Variants in HSP90AA1 observed in about 807,000 individuals in gnomAD.
HSP90AA1 encodes heat shock protein HSP 90-alpha.
HSP90AA1 carries 18 observed loss-of-function variants against 73.3 expected under a neutral mutation model. The observed-to-expected ratio is 0.25, with a 90% confidence interval of 0.17 to 0.36. The LOEUF (loss-of-function observed/expected upper bound fraction) is 0.36. Among genes scored for constraint, HSP90AA1 ranks in the 10% least tolerant of loss-of-function variants. The probability of loss-of-function intolerance (pLI) is 1.00; values close to 1 mark genes in which losing one functional copy is unlikely to be tolerated. For missense variants in HSP90AA1, 704 were observed against 874.2 expected (o/e 0.81, Z 2.45); for synonymous variants, 477 against 296.9 (o/e 1.61, Z -6.24).
intron 8 of HSP90AA1, 110 bp from the exon 9 acceptor site, chr14:102,083,412 T>G (rs924399452): frequency 1.4e-6 from 2 of 1,438,532 alleles, no homozygotes; most frequent in South Asian, 2.3e-5. Context: ...AGACAGAAAA[T>G]GACCTAGTTC....
chr14:102,113,705 T>A (rs932850814), intron 1 of HSP90AA1, among the ~76,000 whole-genome samples: 2 of 151,470 alleles, frequency 1.3e-5, no homozygotes, highest in Non-Finnish European at 3.0e-5. Flanking sequence ...TTTTTTTATT[T>A]TTATTTATTT....
At chr14:102,108,230 T>C (rs961654382) in intron 1 of HSP90AA1, among the ~76,000 whole-genome samples, 1 of 121,320 alleles carries the variant, frequency 8.2e-6, no homozygotes, top group Non-Finnish European at 1.6e-5. Flanking sequence ...GACATTGCAC[T>C]ACAGCGTAAG....
In HSP90AA1 at chr14:102,085,447, GA is replaced by G. The variant is rs774175228; in HGVS notation, c.530-17del. The G allele has an allele frequency of 6.6e-7, 1 of 1,505,922 alleles. No individual in the cohort carries two copies. Among genetic ancestry groups the G allele is most frequent in the Admixed American group, 2.1e-5 (1 of 48,090 alleles). The allele number at this position is 1,505,922 out of a possible 1,614,324, so 93.3% of individuals were successfully genotyped here. On this transcript the variant is annotated splice_polypyrimidine_tract_variant and intron_variant, in intron 3 of 10. Transcript: ENST00000216281. ...ATAGGTTCACCTGCAAGAGAAGAAA[GA>G]AAAATTGACTTAATACATTCAATTT...
At chr14:102,107,951 A>C (rs2049588848) in intron 1 of HSP90AA1, among the ~76,000 whole-genome samples, 1 of 28,568 alleles carries the variant, frequency 3.5e-5, no homozygotes, top group South Asian at 2.2e-3. Context: ...TTCTCTCTTA[A>C]ATTTTTTTTT....
intron 1 of HSP90AA1, among the ~76,000 whole-genome samples, chr14:102,129,652 G>A (rs190090376): frequency 2.0e-5 from 3 of 151,580 alleles, no homozygotes; most frequent in African/African-American, 4.8e-5. Flanking sequence ...ACAGGTGCAC[G>A]CCACCATTCC....
Position 102,083,309 on chromosome 14 carries a change from T to C in HSP90AA1, c.1487-7A>G. ...ACCTGGTCCTTGGTCTCACCTGAGGTATTACAAAGTTACTTTTAGACCTTT... is the reference window on the plus strand; with the variant it reads ...ACCTGGTCCTTGGTCTCACCTGAGGCATTACAAAGTTACTTTTAGACCTTT... On this transcript the variant is annotated splice_polypyrimidine_tract_variant and splice_region_variant and intron_variant, in intron 8 of 10. Transcript: ENST00000216281. 6.2e-7 allele frequency: 1 copy of C among 1,614,020 alleles called. No individual in the cohort carries two copies. Among genetic ancestry groups the C allele is most frequent in the Non-Finnish European group, 8.5e-7 (1 of 1,179,904 alleles).
Position 102,085,286 on chromosome 14 carries a change from A to G in HSP90AA1, c.663+12T>C, listed in dbSNP as rs753420107. 18 of 1,609,826 alleles carry G rather than the reference A, an allele frequency of 1.1e-5. No homozygotes were observed. The highest frequency in any genetic ancestry group is 6.8e-6 in the Non-Finnish European group (8 of 1,177,188). ...AGACAGAAATTCACTCTGCAATTACATAAAAACTTACAAAAAGAGTAATGG... is the reference window on the plus strand; with the variant it reads ...AGACAGAAATTCACTCTGCAATTACGTAAAAACTTACAAAAAGAGTAATGG... On this transcript the variant is annotated intron_variant, in intron 4 of 10. Coordinates refer to ENST00000216281, the MANE Select transcript of HSP90AA1 (RefSeq NM_005348.4).
At chr14:102,121,216 A>G (rs915195255) in intron 1 of HSP90AA1, among the ~76,000 whole-genome samples, 20 of 152,114 alleles carry the variant, frequency 1.3e-4, no homozygotes, top group African/African-American at 4.8e-4. Flanking sequence ...TTTTCATTTA[A>G]TATATTTTGG....
chr14:102,131,791 A>G (rs1038006763), intron 1 of HSP90AA1, among the ~76,000 whole-genome samples: 2 of 152,232 alleles, frequency 1.3e-5, no homozygotes, highest in African/African-American at 4.8e-5. Context: ...GCTGATCACT[A>G]CATGATGTAC....
chr14:102,134,174 T>TA (rs2049947820), intron 1 of HSP90AA1, among the ~76,000 whole-genome samples: 3 of 147,372 alleles, frequency 2.0e-5, no homozygotes, highest in African/African-American at 5.0e-5. Context: ...CCCGTCTCTA[T>TA]AAAAAATACA....
chr14:102,087,934 T>C, upstream of HSP90AA1, among the ~76,000 whole-genome samples: 1 of 72,066 alleles, frequency 1.4e-5, no homozygotes, highest in Non-Finnish European at 2.9e-5. Flanking sequence ...CTAAAAGGTT[T>C]TTTTTTTTTT....
At position 102,086,470 on chromosome 14, in the gene HSP90AA1, G is replaced by C. The variant is rs1048203462; in HGVS notation, c.1-92C>G. 4.2e-6 allele frequency: 6 copies of C among 1,420,332 alleles called. No individual in the cohort carries two copies. In the Admixed American group the frequency reaches 5.0e-5, roughly 12 times the overall value. The allele number at this position is 1,420,332 out of a possible 1,614,324, so 88.0% of individuals were successfully genotyped here. On this transcript the variant is annotated intron_variant, in intron 1 of 10. Coordinates refer to ENST00000216281, the MANE Select transcript of HSP90AA1 (RefSeq NM_005348.4). The stretch of plus-strand genomic sequence containing the variant: ...GCGTTCTCCAAATATTTTTAAAGCC[G>C]AATTGGAGATTTGCGAAGTTTAAGT...
chr14:102,113,580 T>G (rs1403178106), intron 1 of HSP90AA1, among the ~76,000 whole-genome samples: 1 of 151,574 alleles, frequency 6.6e-6, no homozygotes, highest in Non-Finnish European at 1.5e-5. Flanking sequence ...GAGACGGGAT[T>G]TCACCATGTT....
At chr14:102,090,594 C>T (rs140441452), upstream of HSP90AA1, among the ~76,000 whole-genome samples, 85 of 152,184 alleles carry the variant, frequency 5.6e-4, no homozygotes, top group Admixed American at 7.9e-4. Flanking sequence ...GGACTACAGG[C>T]GCCCGCCACC....
chr14:102,119,407 A>G lies in HSP90AA1; in HGVS notation c.156-17322T>C, dbSNP rs184530147. Among the ~76,000 whole-genome samples, 212 of 152,264 alleles carry G rather than the reference A, an allele frequency of 1.4e-3. 1 individual carries two copies. The highest frequency in any genetic ancestry group is 4.9e-3 in the African/African-American group (203 of 41,548). ...ATAAAGATCTAGCACAGTTCTTATT[A>G]AGTATATTCTTAGGGGTTTTATCTT... On this transcript the variant is annotated intron_variant, in intron 1 of 11. Coordinates refer to the HSP90AA1 transcript ENST00000334701.
Position 102,082,776 on chromosome 14 carries a change from C to T in HSP90AA1, c.1755+258G>A, listed in dbSNP as rs548327824. ...GCTAGGATTACAGGCCGTGCCACCACGCCTGGTTTATTTTTTTCTATTTTT... is the reference window on the plus strand; with the variant it reads ...GCTAGGATTACAGGCCGTGCCACCATGCCTGGTTTATTTTTTTCTATTTTT... On this transcript the variant is annotated intron_variant, in intron 9 of 10. Coordinates refer to ENST00000216281, the MANE Select transcript of HSP90AA1 (RefSeq NM_005348.4). 3.1e-5 allele frequency: 16 copies of T among 508,496 alleles called. 1 individual carries two copies. Among genetic ancestry groups the T allele is most frequent in the Middle Eastern group, 5.7e-4 (1 of 1,766 alleles). The allele number at this position is 508,496 out of a possible 1,614,324, so 31.5% of individuals were successfully genotyped here.
At chr14:102,102,081 C>A (rs1217499325) in exon 2 of HSP90AA1, 1 of 1,613,468 alleles carries the variant, frequency 6.2e-7, no homozygotes, top group Non-Finnish European at 8.5e-7. Context: ...TTAACAGGTG[C>A]CCTGCTGGGA....
rs141347345 is a variant in HSP90AA1, at chr14:102,119,489, G to GTTGT, written c.156-17408_156-17405dup. On this transcript the variant is annotated intron_variant, in intron 1 of 11. Transcript: ENST00000334701. ...CATATCTACCAACTAGTTGTGGTTTGTTGTTTGTTTGTTTTTTTGAGACGG... is the reference window on the plus strand; with the variant it reads ...CATATCTACCAACTAGTTGTGGTTTGTTGTTTGTTTGTTTGTTTTTTTGAGACGG... Among the ~76,000 whole-genome samples the GTTGT allele has an allele frequency of 7.0e-4, 106 of 152,058 alleles. 1 individual carries two copies. The highest frequency in any genetic ancestry group is 4.0e-4 in the Non-Finnish European group (27 of 68,010).
At position 102,108,082 on chromosome 14, in the gene HSP90AA1, C is replaced by T. The variant is rs1019228113; in HGVS notation, c.156-5997G>A. Among the ~76,000 whole-genome samples, 3 of 151,088 alleles carry T rather than the reference C, an allele frequency of 2.0e-5. 1 individual carries two copies. The highest frequency in any genetic ancestry group is 6.6e-5 in the Admixed American group (1 of 15,106). ...TTTGAGACCAACCTGGGCAACATGG[C>T]GAGGCCATGTCTCTACAAAAATTTT... On this transcript the variant is annotated intron_variant, in intron 1 of 11. Coordinates refer to the HSP90AA1 transcript ENST00000334701.
Sources: allele counts gnomAD v4.1 joint callset (sites outside exome capture counted in the v4.1 genomes callset), GRCh38; gene constraint gnomAD v4.1.1; transcripts MANE v1.5; gene names NCBI Gene and HGNC (gene_info 2026-07-23, HGNC 2026-07-21).